Variants in TMPRSS15 observed in about 807,000 individuals in gnomAD.
The protein encoded by TMPRSS15 is transmembrane serine protease 15, also known as enteropeptidase.
TMPRSS15 carries 128 observed loss-of-function variants against 125.3 expected under a neutral mutation model. The observed-to-expected ratio is 1.02, with a 90% CI of 0.89 to 1.18. The LOEUF is 1.18. Among genes scored for constraint, TMPRSS15 ranks in the 50% most tolerant of loss-of-function variants. The pLI, the probability that TMPRSS15 is intolerant of heterozygous loss-of-function variation, is 0.00. For missense variants in TMPRSS15, 1,283 were observed against 1,212.7 expected (o/e 1.06, Z -0.86); for synonymous variants, 446 against 423.2 (o/e 1.05, Z -0.66).
intron 16 of TMPRSS15, among the ~76,000 whole-genome samples, chr21:18,317,318 A>G (rs2146945408): frequency 6.6e-6 from 1 of 152,210 alleles, no homozygotes; most frequent in Admixed American, 6.5e-5. Flanking sequence ...ATACTTATTG[A>G]AAAAAATACC....
At chr21:18,445,655 A>G (rs1352905259) in intron 1 of TMPRSS15, among the ~76,000 whole-genome samples, 1 of 152,222 alleles carries the variant, frequency 6.6e-6, no homozygotes, top group Admixed American at 6.5e-5. Context: ...CAATGTTTCA[A>G]CAGACACAAA....
chr21:18,451,609 T>C (rs1978340818), intron 1 of TMPRSS15, among the ~76,000 whole-genome samples: 1 of 152,220 alleles, frequency 6.6e-6, no homozygotes, highest in Non-Finnish European at 1.5e-5. Context: ...ACATGAGCTC[T>C]GGTTTGTCTT....
chr21:18,428,316 A>C (rs549904895), intron 1 of TMPRSS15, among the ~76,000 whole-genome samples: 1 of 152,332 alleles, frequency 6.6e-6, no homozygotes, highest in South Asian at 2.1e-4. Context: ...GAAAATTTGC[A>C]GGCTGACAAT....
chr21:18,407,815 C>CG (rs2076156320), upstream of TMPRSS15, among the ~76,000 whole-genome samples: 1 of 152,018 alleles, frequency 6.6e-6, no homozygotes, highest in African/African-American at 2.4e-5. Flanking sequence ...TAAGATAAAA[C>CG]GCTTTATGTG....
At chr21:18,317,743 C>G (rs903030142) in intron 16 of TMPRSS15, among the ~76,000 whole-genome samples, 13 of 151,358 alleles carry the variant, frequency 8.6e-5, no homozygotes, top group African/African-American at 2.7e-4. Context: ...TGCTTTTACT[C>G]TGTTCTATTA....
intron 8 of TMPRSS15, among the ~76,000 whole-genome samples, chr21:18,354,975 A>T (rs1428862649): frequency 6.6e-6 from 1 of 151,858 alleles, no homozygotes; most frequent in Non-Finnish European, 1.5e-5. Context: ...AATGTGATAC[A>T]TACAATGGAA....
intron 24 of TMPRSS15, among the ~76,000 whole-genome samples, chr21:18,274,165 T>C (rs1036856700): frequency 1.3e-5 from 2 of 152,190 alleles, no homozygotes; most frequent in African/African-American, 4.8e-5. Flanking sequence ...CCAGAAAATT[T>C]ATTTACTAAG....
intron 3 of TMPRSS15, among the ~76,000 whole-genome samples, chr21:18,390,609 C>A (rs954995142): frequency 6.6e-6 from 1 of 152,204 alleles, no homozygotes; most frequent in Non-Finnish European, 1.5e-5. Context: ...GAGAATTGTA[C>A]TTTAAATGTA....
At chr21:18,309,062 T>C (rs1026602617) in intron 18 of TMPRSS15, among the ~76,000 whole-genome samples, 1 of 152,198 alleles carries the variant, frequency 6.6e-6, no homozygotes, top group African/African-American at 2.4e-5. Flanking sequence ...TACGTGTGCA[T>C]GTGTCTTTAT....
chr21:18,417,700 C>T (rs1040737410), intron 1 of TMPRSS15, among the ~76,000 whole-genome samples: 4 of 152,118 alleles, frequency 2.6e-5, no homozygotes, highest in Non-Finnish European at 5.9e-5. Context: ...AAAATTAACT[C>T]TTCAGTGAAA....
chr21:18,387,142 T>G (rs2075950951), intron 3 of TMPRSS15, among the ~76,000 whole-genome samples: 1 of 152,196 alleles, frequency 6.6e-6, no homozygotes, highest in African/African-American at 2.4e-5. Flanking sequence ...AAAAAAGTTG[T>G]AATAATCATT....
intron 24 of TMPRSS15, among the ~76,000 whole-genome samples, chr21:18,272,989 C>T (rs1339030482): frequency 6.6e-6 from 1 of 152,014 alleles, no homozygotes; most frequent in East Asian, 1.9e-4. Flanking sequence ...CATAGCTGGC[C>T]CCACCCTCAT....
intron 18 of TMPRSS15, 37 bp downstream of exon 18, chr21:18,312,908 C>A: frequency 6.2e-7 from 1 of 1,610,814 alleles, no homozygotes; most frequent in Non-Finnish European, 8.5e-7. Context: ...AAAAGGTTTG[C>A]AAATCTCTTA....
At chr21:18,342,126 G>A (rs1263426107) in intron 12 of TMPRSS15, among the ~76,000 whole-genome samples, 6 of 152,254 alleles carry the variant, frequency 3.9e-5, no homozygotes, top group East Asian at 3.9e-4. Flanking sequence ...GACACAGAAC[G>A]AGATTTGGAA....
chr21:18,338,609 C>G (rs917154623), intron 13 of TMPRSS15, among the ~76,000 whole-genome samples: 1 of 151,998 alleles, frequency 6.6e-6, no homozygotes, highest in African/African-American at 2.4e-5. Context: ...TACACCCATC[C>G]CTACCATCAT....
intron 13 of TMPRSS15, among the ~76,000 whole-genome samples, chr21:18,338,091 G>A (rs1474700216): frequency 1.3e-5 from 2 of 151,962 alleles, no homozygotes; most frequent in Non-Finnish European, 2.9e-5. Context: ...TTCTCTTTCT[G>A]ATTGGAATAT....
rs185653451 is a variant in TMPRSS15 at position 18,289,150 on chromosome 21, T to C, written c.2486+5120A>G. Among the ~76,000 whole-genome samples, 459 of 152,348 alleles carry C rather than the reference T, an allele frequency of 3.0e-3. 9 individuals carry two copies. Among genetic ancestry groups the C allele is most frequent in the Admixed American group, 0.013 (203 of 15,300 alleles). On this transcript the variant is annotated intron_variant, in intron 21 of 24. Coordinates refer to ENST00000284885, the MANE Select transcript of TMPRSS15 (RefSeq NM_002772.3). ...AGTAATGTTATTTTATTATAAATGC[T>C]TAACTGTTTAAAAAGTTGATTTTCA...
chr21:18,273,028 G>T (rs1160764301), intron 24 of TMPRSS15, among the ~76,000 whole-genome samples: 1 of 152,128 alleles, frequency 6.6e-6, no homozygotes, highest in Non-Finnish European at 1.5e-5. Flanking sequence ...TATGTGATGA[G>T]CCCTGATAAT....
chr21:18,432,173 C>G (rs1428580691), intron 1 of TMPRSS15, among the ~76,000 whole-genome samples: 1 of 152,134 alleles, frequency 6.6e-6, no homozygotes, highest in Non-Finnish European at 1.5e-5. Context: ...ATCATTTCCT[C>G]CATTCCTCTT....
Sources: allele counts gnomAD v4.1 joint callset (sites outside exome capture counted in the v4.1 genomes callset), GRCh38; gene constraint gnomAD v4.1.1; transcripts MANE v1.5; gene names NCBI Gene and HGNC (gene_info 2026-07-23, HGNC 2026-07-21).